Variants in VPS13C observed in about 807,000 individuals in gnomAD.
VPS13C encodes vacuolar protein sorting 13 homolog C.
Under a neutral mutation model 456.8 loss-of-function variants are expected in VPS13C, and 358 were observed. The observed-to-expected ratio is 0.78, with a 90% CI of 0.72 to 0.86. The LOEUF (loss-of-function observed/expected upper bound fraction) is 0.86. Among genes scored for constraint, VPS13C ranks in the 40% least tolerant of loss-of-function variants. VPS13C has a pLI of 0.00. For missense variants in VPS13C, 4,818 were observed against 4,385.4 expected, an observed-to-expected ratio of 1.10 and a Z score of -2.79; for synonymous variants, 1,578 against 1,486.7, an observed-to-expected ratio of 1.06 and a Z score of -1.41.
At chr15:61,990,787 G>T (rs892565851) in intron 18 of VPS13C, among the ~76,000 whole-genome samples, 2 of 152,038 alleles carry the variant, frequency 1.3e-5, no homozygotes, top group African/African-American at 4.8e-5. Flanking sequence ...CTCCAGCCTG[G>T]GTGACAGAGC....
intron 51 of VPS13C, among the ~76,000 whole-genome samples, chr15:61,928,098 C>T (rs1189998796): frequency 2.6e-5 from 4 of 151,602 alleles, no homozygotes; most frequent in Non-Finnish European, 5.9e-5. Flanking sequence ...TGCTAAATGA[C>T]GAGTTAATGG....
intron 16 of VPS13C, among the ~76,000 whole-genome samples, chr15:61,995,661 G>A (rs2046360071): frequency 6.6e-6 from 1 of 152,174 alleles, no homozygotes; most frequent in African/African-American, 2.4e-5. Flanking sequence ...GCTCTAGCCA[G>A]AAATCAACAA....
At chr15:61,869,437 A>T (rs1009257554) in intron 80 of VPS13C, 63 bp downstream of exon 80, 2 of 1,572,080 alleles carry the variant, frequency 1.3e-6, no homozygotes, top group Non-Finnish European at 8.7e-7. Context: ...TAATCTATTT[A>T]TGTATTCCTT....
At chr15:62,017,053 G>A (rs1030288076) in intron 9 of VPS13C, among the ~76,000 whole-genome samples, 28 of 150,372 alleles carry the variant, frequency 1.9e-4, no homozygotes, top group African/African-American at 6.5e-4. Context: ...TGTGTCTGTT[G>A]GCTGCATAAA....
At chr15:62,019,948 C>CTA (rs764621638) in intron 9 of VPS13C, among the ~76,000 whole-genome samples, 309 of 146,564 alleles carry the variant, frequency 2.1e-3, no homozygotes, top group Middle Eastern at 3.6e-3. Flanking sequence ...AATGTCCAGC[C>CTA]TATATATATA....
At chr15:61,908,727 G>A (rs549808230) in intron 65 of VPS13C, among the ~76,000 whole-genome samples, 5 of 152,190 alleles carry the variant, frequency 3.3e-5, no homozygotes, top group African/African-American at 1.2e-4. Context: ...TCATTTGGCG[G>A]CAAAACCTGA....
intron 64 of VPS13C, among the ~76,000 whole-genome samples, chr15:61,909,690 C>T (rs1485448081): frequency 6.6e-6 from 1 of 152,134 alleles, no homozygotes; most frequent in East Asian, 1.9e-4. Context: ...AATATGAAAA[C>T]TTCATCTATG....
At chr15:62,038,024 T>C (rs944762358) in intron 3 of VPS13C, among the ~76,000 whole-genome samples, 11 of 152,116 alleles carry the variant, frequency 7.2e-5, no homozygotes, top group East Asian at 1.9e-4. Flanking sequence ...ATACAGAATA[T>C]TGAATAAAGA....
chr15:61,979,695 C>A (rs1307521933), intron 22 of VPS13C, among the ~76,000 whole-genome samples: 1 of 152,166 alleles, frequency 6.6e-6, no homozygotes, highest in East Asian at 1.9e-4. Context: ...CAATAGTCAA[C>A]ACCAGAGACA....
Position 62,010,298 on chromosome 15 carries a change from A to T in VPS13C, c.1011+174T>A, listed in dbSNP as rs555470499. Among the ~76,000 whole-genome samples, 324 of 152,334 alleles carry T rather than the reference A, an allele frequency of 2.1e-3. 1 individual carries two copies. Among genetic ancestry groups the T allele is most frequent in the Non-Finnish European group, 3.0e-3 (206 of 68,032 alleles). On this transcript the variant is annotated intron_variant, in intron 13 of 84. Transcript: ENST00000644861. ...TTAGGAAAAGATGAAATAAAATTTTAAAAAACTACTTAAATTTGAAATTCA... is the reference window on the plus strand; with the variant it reads ...TTAGGAAAAGATGAAATAAAATTTTTAAAAACTACTTAAATTTGAAATTCA...
In VPS13C at chr15:61,881,947, C is replaced by T. The variant is rs573349620; in HGVS notation, c.9625-119G>A. 17 of 866,582 alleles carry T rather than the reference C, an allele frequency of 2.0e-5. No homozygotes were observed. In the South Asian group the frequency reaches 2.4e-4, roughly 12 times the overall value. 53.7% of individuals were successfully genotyped at this position (866,582 alleles called of 1,614,324 possible). ...ATAATTAAGTGTCTGCGTGTATATG[C>T]GGTGTAATTAGAAGTTTCATTTTAA... On this transcript the variant is annotated intron_variant, in intron 69 of 84. Transcript: ENST00000644861.
intron 9 of VPS13C, among the ~76,000 whole-genome samples, chr15:62,016,113 C>T (rs2047238046): frequency 6.6e-6 from 1 of 151,506 alleles, no homozygotes; most frequent in Non-Finnish European, 1.5e-5. Flanking sequence ...AAGCCTTCCA[C>T]ATAACCATGT....
intron 54 of VPS13C, 114 bp downstream of exon 54, chr15:61,922,283 A>G (rs1231892791): frequency 7.7e-7 from 1 of 1,301,024 alleles, no homozygotes; most frequent in South Asian, 1.5e-5. Flanking sequence ...AGAACACACT[A>G]TCTATTCACA....
At chr15:62,031,167 T>G (rs987658108) in intron 5 of VPS13C, among the ~76,000 whole-genome samples, 1 of 152,094 alleles carries the variant, frequency 6.6e-6, no homozygotes, top group Non-Finnish European at 1.5e-5. Context: ...TATACGATAG[T>G]GGGAAACAAT....
chr15:61,866,195 A>T, intron 81 of VPS13C: 1 of 984,996 alleles, frequency 1.0e-6, no homozygotes, highest in Non-Finnish European at 1.2e-6. Flanking sequence ...CTTGACATCC[A>T]CGACAAAAAC....
intron 66 of VPS13C, among the ~76,000 whole-genome samples, chr15:61,904,106 T>C (rs1273876714): frequency 6.6e-6 from 1 of 151,796 alleles, no homozygotes; most frequent in African/African-American, 2.4e-5. Context: ...AAAAGCACAA[T>C]CAACACAAGT....
chr15:62,042,743 G>T (rs2048280433), intron 2 of VPS13C, among the ~76,000 whole-genome samples: 1 of 151,900 alleles, frequency 6.6e-6, no homozygotes, highest in African/African-American at 2.4e-5. Flanking sequence ...TTTAACTGGG[G>T]AAAGGAGCTA....
chr15:61,864,195 A>G, intron 81 of VPS13C: 2 of 459,538 alleles, frequency 4.4e-6, no homozygotes, highest in Non-Finnish European at 5.7e-6. Context: ...TATATTTCTT[A>G]TAGAAAAGAA....
intron 13 of VPS13C, among the ~76,000 whole-genome samples, chr15:62,009,024 T>C (rs968147722): frequency 6.6e-6 from 1 of 152,188 alleles, no homozygotes; most frequent in African/African-American, 2.4e-5. Flanking sequence ...GTTAATTAAA[T>C]TGTCTTATCA....
Sources: allele counts gnomAD v4.1 joint callset (sites outside exome capture counted in the v4.1 genomes callset), GRCh38; gene constraint gnomAD v4.1.1; transcripts MANE v1.5; gene names NCBI Gene and HGNC (gene_info 2026-07-23, HGNC 2026-07-21).